Variants in GABARAPL1 observed in about 807,000 individuals in gnomAD.
GABARAPL1 encodes gamma-aminobutyric acid receptor-associated protein-like 1.
Under a neutral mutation model 14.5 loss-of-function variants are expected in GABARAPL1, and 4 were observed. That is an observed-to-expected ratio of 0.28 (90% confidence interval 0.14 to 0.63). The LOEUF (loss-of-function observed/expected upper bound fraction) is 0.63. Ranked by LOEUF, GABARAPL1 falls within the 30% of genes least tolerant of loss-of-function variation. GABARAPL1 has a pLI of 0.84. For missense variants in GABARAPL1, 82 were observed against 139.2 expected, an observed-to-expected ratio of 0.59 and a Z score of 2.07; for synonymous variants, 47 against 50.6, an observed-to-expected ratio of 0.93 and a Z score of 0.30.
chr12:10,216,448 G>A (rs1440659410), intron 1 of GABARAPL1, among the ~76,000 whole-genome samples: 1 of 149,376 alleles, frequency 6.7e-6, no homozygotes, highest in African/African-American at 2.5e-5. Flanking sequence ...GCCACTAGAA[G>A]TACTCATACA....
At chr12:10,213,241 G>A (rs1177215740) in intron 1 of GABARAPL1, 22 bp downstream of exon 1, 6 of 1,466,442 alleles carry the variant, frequency 4.1e-6, no homozygotes, top group Non-Finnish European at 5.6e-6. Flanking sequence ...GGAGCGGAGG[G>A]GATGGGAGGG....
intron 2 of GABARAPL1, among the ~76,000 whole-genome samples, chr12:10,219,552 A>G (rs12306528): frequency 0.077 from 11,680 of 152,240 alleles, 1,493 homozygotes; most frequent in African/African-American, 0.27. Flanking sequence ...CTGTAATCCC[A>G]GCACTTTGGG....
At chr12:10,221,011 G>A in intron 3 of GABARAPL1, 7 of 985,406 alleles carry the variant, frequency 7.1e-6, no homozygotes, top group Non-Finnish European at 8.4e-6. Flanking sequence ...TTCTAACTCT[G>A]AGGCCAGCCT....
At position 10,213,021 on chromosome 12, in the gene GABARAPL1, T is replaced by G; in HGVS notation, c.-109T>G. The G allele has an allele frequency of 1.4e-5, 9 of 658,970 alleles. No individual in the cohort carries two copies. Among genetic ancestry groups the G allele is most frequent in the East Asian group, 5.8e-5 (2 of 34,688 alleles). 40.8% of individuals were successfully genotyped at this position (658,970 alleles called of 1,614,324 possible). A position where few individuals can be genotyped will look rare whatever the true frequency, so the allele number is the denominator to read the frequency against. On this transcript the variant is annotated 5_prime_UTR_variant, in exon 1 of 4. Transcript: ENST00000266458. Reference sequence around the variant, plus strand: ...GCGCTGTTGCCCCCGGAGCGGACGTTTCTGCAGCTATTCTGAGCACACCTT... The same window carrying G: ...GCGCTGTTGCCCCCGGAGCGGACGTGTCTGCAGCTATTCTGAGCACACCTT...
intron 1 of GABARAPL1, among the ~76,000 whole-genome samples, chr12:10,216,317 TC>T (rs1437111607): frequency 6.6e-6 from 1 of 151,760 alleles, no homozygotes; most frequent in Non-Finnish European, 1.5e-5. Context: ...GTTGCAGTGA[TC>T]CGAGATCAGG....
At chr12:10,221,704 T>A in intron 3 of GABARAPL1, 83 bp from the exon 4 acceptor site, 1 of 1,485,662 alleles carries the variant, frequency 6.7e-7, no homozygotes, top group Non-Finnish European at 9.3e-7. Flanking sequence ...CCATACCTGC[T>A]TTACAAGGTT....
At chr12:10,221,233 C>T (rs962625317) in intron 3 of GABARAPL1, 2 of 975,128 alleles carry the variant, frequency 2.1e-6, no homozygotes, top group Non-Finnish European at 2.4e-6. Flanking sequence ...CATGTCTTAA[C>T]AGATAAACTC....
At chr12:10,218,344 C>T (rs143491194) in intron 2 of GABARAPL1, among the ~76,000 whole-genome samples, 59 of 152,244 alleles carry the variant, frequency 3.9e-4, no homozygotes, top group Non-Finnish European at 4.9e-4. Flanking sequence ...GAGACTGAGG[C>T]GGGTGGATCA....
At position 10,222,457 on chromosome 12, in the gene GABARAPL1, G is replaced by C. The variant is rs988135624; in HGVS notation, c.*605G>C. On this transcript the variant is annotated 3_prime_UTR_variant, in exon 4 of 4. Transcript: ENST00000266458. ...AGACAACAACCCAGAAATTTAGACA[G>C]GGATCTCTTACCTTTGGAAAATAGG... 4 of 153,470 alleles carry C rather than the reference G, an allele frequency of 2.6e-5. No homozygotes were observed. Among genetic ancestry groups the C allele is most frequent in the East Asian group, 1.9e-4 (1 of 5,186 alleles). 9.5% of individuals were successfully genotyped at this position (153,470 alleles called of 1,614,324 possible).
chr12:10,213,268 CG>C, intron 1 of GABARAPL1, 49 bp downstream of exon 1: 3 of 728,414 alleles, frequency 4.1e-6, no homozygotes, highest in Non-Finnish European at 4.6e-6. Flanking sequence ...CCCGCGGGGG[CG>C]GGGGCGGGTA....
Position 10,213,178 on chromosome 12 carries a change from G to C in GABARAPL1, c.49G>C (p.Glu17Gln), listed in dbSNP as rs1335975146. ...CCATCCCTTTGAGTATCGGAAAAAG[G>C]AAGGAGAAAAGATCCGGAAGAAATA... ...EDHPFEYRKK[E>Q]GEKIRKKYPD... Residue 17 changes from glutamate to glutamine, a missense_variant, in exon 1 of 4, where the codon GAA (glutamate) becomes CAA (glutamine). This residue lies in a region of GABARAPL1 where 16 missense variants were observed against 18.0 expected (regional missense o/e 0.89). Coordinates refer to ENST00000266458, the MANE Select transcript of GABARAPL1 (RefSeq NM_031412.4). The C allele has an allele frequency of 6.3e-7, 1 of 1,584,332 alleles. No homozygotes were observed.
chr12:10,220,744 G>A (rs1265336100), intron 3 of GABARAPL1, 186 bp downstream of exon 3: 6 of 1,516,882 alleles, frequency 4.0e-6, no homozygotes, highest in Non-Finnish European at 5.3e-6. Context: ...TTAGGGATTA[G>A]CCACTCTACT....
chr12:10,220,634 T>C (rs781592288), intron 3 of GABARAPL1, 76 bp downstream of exon 3: 1 of 1,604,890 alleles, frequency 6.2e-7, no homozygotes, highest in Non-Finnish European at 8.5e-7. Context: ...TCTAGATGCG[T>C]TGATAACACA....
Position 10,223,010 on chromosome 12 carries a change from T to A in GABARAPL1, c.*1158T>A, listed in dbSNP as rs576406784. The stretch of plus-strand genomic sequence containing the variant: ...TGACATTTCAATTCATCTCTGCTAA[T>A]GAAAAGGGTTCTTTCTCTTGGGGGA... On this transcript the variant is annotated 3_prime_UTR_variant, in exon 4 of 4. Transcript: ENST00000266458. 2.0e-5 allele frequency: 3 copies of A among 152,662 alleles called. No individual in the cohort carries two copies. Among genetic ancestry groups the A allele is most frequent in the Non-Finnish European group, 4.4e-5 (3 of 68,042 alleles). The allele number at this position is 152,662 out of a possible 1,614,324, so 9.5% of individuals were successfully genotyped here. A position where few individuals can be genotyped will look rare whatever the true frequency, so the allele number is the denominator to read the frequency against.
At chr12:10,221,241 C>G in intron 3 of GABARAPL1, 13 of 976,448 alleles carry the variant, frequency 1.3e-5, no homozygotes, top group Admixed American at 6.1e-5. Flanking sequence ...AACAGATAAA[C>G]TCAGGAGGAA....
intron 1 of GABARAPL1, among the ~76,000 whole-genome samples, chr12:10,216,098 C>T (rs1043790360): frequency 2.6e-5 from 4 of 152,068 alleles, no homozygotes; most frequent in African/African-American, 7.2e-5. Context: ...AAGCTGGGCA[C>T]GGTGGCTCAC....
At chr12:10,221,249 G>A in intron 3 of GABARAPL1, 1 of 976,828 alleles carries the variant, frequency 1.0e-6, no homozygotes, top group Admixed American at 6.1e-5. Context: ...AACTCAGGAG[G>A]AATAATTTTT....
intron 2 of GABARAPL1, 26 bp downstream of exon 2, chr12:10,218,167 CT>C: frequency 7.2e-7 from 1 of 1,381,256 alleles, no homozygotes; most frequent in Non-Finnish European, 1.0e-6. Context: ...TTCCCTGACC[CT>C]TCCTCCGGTG....
At chr12:10,219,318 C>CAAA (rs199678817) in intron 2 of GABARAPL1, among the ~76,000 whole-genome samples, 1 of 112,684 alleles carries the variant, frequency 8.9e-6, no homozygotes, top group African/African-American at 2.9e-5. Flanking sequence ...GACTCCGCCT[C>CAAA]AAAAAAACAA....
Sources: gnomAD v4.1 joint callset for allele counts (sites outside exome capture counted in the v4.1 genomes callset) on GRCh38, gnomAD v4.1.1 for gene constraint, gnomAD v4.1.1 regional missense constraint, MANE v1.5 for transcripts, NCBI Gene and HGNC (gene_info 2026-07-23, HGNC 2026-07-21) for gene names.